The following MKLN1 variants were observed in gnomAD, a reference collection of about 807,000 sequenced individuals.
MKLN1 encodes the protein muskelin 1.
In MKLN1, 18 loss-of-function variants were observed where a neutral mutation model predicts 99.0. The observed-to-expected ratio is 0.18, with a 90% CI of 0.13 to 0.27. The LOEUF (loss-of-function observed/expected upper bound fraction) is 0.27, where lower values mean the gene tolerates loss of function less well. Among genes scored for constraint, MKLN1 ranks in the 10% least tolerant of loss-of-function variants. The probability of loss-of-function intolerance (pLI) is 1.00; values close to 1 mark genes in which losing one functional copy is unlikely to be tolerated. For missense variants in MKLN1, 621 were observed against 875.9 expected, an observed-to-expected ratio of 0.71 and a Z score of 3.67; for synonymous variants, 288 against 293.2, an observed-to-expected ratio of 0.98 and a Z score of 0.18.
intron 2 of MKLN1, among the ~76,000 whole-genome samples, chr7:131,378,183 C>T (rs1584672314): frequency 6.6e-6 from 1 of 152,286 alleles, no homozygotes; most frequent in South Asian, 2.1e-4. Flanking sequence ...GTAATCTTGG[C>T]TCACTGCAGC....
intron 1 of MKLN1, among the ~76,000 whole-genome samples, chr7:131,366,636 TC>T (rs1463880536): frequency 6.6e-6 from 1 of 151,840 alleles, no homozygotes; most frequent in African/African-American, 2.4e-5. Context: ...CATGGTGAAA[TC>T]CCCGTCTCTA....
intron 3 of MKLN1, among the ~76,000 whole-genome samples, chr7:131,229,077 G>A (rs1411565446): frequency 6.6e-6 from 1 of 152,076 alleles, no homozygotes; most frequent in Non-Finnish European, 1.5e-5. Flanking sequence ...GTGTACATTG[G>A]TTCAGCCCAA....
intron 2 of MKLN1, among the ~76,000 whole-genome samples, chr7:131,173,929 A>T (rs1796252940): frequency 6.6e-6 from 1 of 151,290 alleles, no homozygotes; most frequent in Non-Finnish European, 1.5e-5. Flanking sequence ...TTGAGTTTTC[A>T]GTTTTCACTT....
chr7:131,384,157 G>T (rs1021508515), intron 2 of MKLN1, among the ~76,000 whole-genome samples: 2 of 150,664 alleles, frequency 1.3e-5, no homozygotes, highest in African/African-American at 4.9e-5. Context: ...ATTTTCATAA[G>T]CATTCACTAC....
chr7:131,410,220 A>G (rs756754495), intron 6 of MKLN1, among the ~76,000 whole-genome samples: 5 of 152,156 alleles, frequency 3.3e-5, no homozygotes, highest in Non-Finnish European at 5.9e-5. Context: ...GAGTTTATCA[A>G]TACAGCAGAA....
intron 3 of MKLN1, among the ~76,000 whole-genome samples, chr7:131,248,548 G>C (rs965498009): frequency 3.9e-5 from 6 of 152,168 alleles, no homozygotes; most frequent in African/African-American, 1.4e-4. Flanking sequence ...CTTACTTACT[G>C]TAGGGGGTAG....
chr7:131,324,657 A>G (rs899710972), upstream of MKLN1, among the ~76,000 whole-genome samples: 2 of 152,226 alleles, frequency 1.3e-5, no homozygotes, highest in African/African-American at 4.8e-5. Flanking sequence ...ATGAAACTAT[A>G]GGATGAGGGT....
Position 131,327,967 on chromosome 7 carries a change from G to A in MKLN1, c.68G>A (p.Trp23Ter). Residue 23 changes from tryptophan to a stop codon, truncating the protein, a stop_gained, in exon 1 of 18, where the codon TGG (tryptophan) becomes TAG (stop). Coordinates refer to ENST00000352689, the MANE Select transcript of MKLN1 (RefSeq NM_013255.5). LOFTEE classifies it high-confidence loss of function. ...CRLLPYALHK[W>*]SSFSSTYLPE... Reference sequence around the variant, plus strand: ...CTTCTCCCCTACGCGCTACACAAGTGGAGCTCCTTTTCCTCCACCTACCTT... The same window carrying A: ...CTTCTCCCCTACGCGCTACACAAGTAGAGCTCCTTTTCCTCCACCTACCTT... 1 of 1,613,896 alleles carries A rather than the reference G, an allele frequency of 6.2e-7. No individual in the cohort carries two copies. Among genetic ancestry groups the A allele is most frequent in the Non-Finnish European group, 8.5e-7 (1 of 1,179,882 alleles).
chr7:131,181,591 C>T (rs1309575108), intron 2 of MKLN1, among the ~76,000 whole-genome samples: 1 of 151,294 alleles, frequency 6.6e-6, no homozygotes, highest in Admixed American at 6.6e-5. Context: ...CACATTTAGT[C>T]CCAATAACTC....
rs533378422 is a variant in MKLN1, at chr7:131,194,652, C to T, written c.-296-8205C>T. On this transcript the variant is annotated intron_variant, in intron 2 of 7. Transcript: ENST00000416992. ...CAGCCGCATCTCAATTTTCATTTCC[C>T]TTATCACAAACAGATGGATAGATAC... is the stretch of plus-strand genomic sequence containing the variant. Among the ~76,000 whole-genome samples the T allele has an allele frequency of 2.6e-5, 4 of 152,326 alleles. No homozygotes were observed. The South Asian group carries it at 8.3e-4, about 32-fold the overall frequency.
At chr7:131,122,384 A>G (rs982496847) in intron 1 of MKLN1, among the ~76,000 whole-genome samples, 2 of 152,234 alleles carry the variant, frequency 1.3e-5, no homozygotes, top group Admixed American at 6.5e-5. Context: ...CCACAGAACC[A>G]TATTGTTGCC....
intron 3 of MKLN1, among the ~76,000 whole-genome samples, chr7:131,228,241 G>T (rs1797186579): frequency 1.3e-5 from 2 of 152,110 alleles, no homozygotes; most frequent in African/African-American, 4.8e-5. Flanking sequence ...TTTTATTTTT[G>T]TAGAGACAGG....
chr7:131,175,246 G>GGATA (rs760615190), intron 2 of MKLN1, among the ~76,000 whole-genome samples: 62 of 50,958 alleles, frequency 1.2e-3, no homozygotes, highest in African/African-American at 3.1e-3. Flanking sequence ...ATGGATGGAT[G>GGATA]GATAGATAGA....
chr7:131,199,703 TA>T (rs1159290442), intron 2 of MKLN1, among the ~76,000 whole-genome samples: 4 of 151,898 alleles, frequency 2.6e-5, no homozygotes, highest in East Asian at 1.9e-4. Flanking sequence ...TTTAATTTTT[TA>T]AAAAATTGAG....
chr7:131,225,516 G>A (rs865835474), intron 3 of MKLN1, among the ~76,000 whole-genome samples: 1 of 152,172 alleles, frequency 6.6e-6, no homozygotes, highest in Non-Finnish European at 1.5e-5. Context: ...CCTAATGTCA[G>A]TGTCAGGTCC....
chr7:131,298,128 G>A (rs1159427679), intron 3 of MKLN1, among the ~76,000 whole-genome samples: 1 of 152,094 alleles, frequency 6.6e-6, no homozygotes, highest in African/African-American at 2.4e-5. Flanking sequence ...AAAATTAGCC[G>A]GGCGCGGTGG....
chr7:131,475,146 CAT>C (rs1055686183), intron 16 of MKLN1, among the ~76,000 whole-genome samples: 4 of 151,786 alleles, frequency 2.6e-5, no homozygotes, highest in African/African-American at 4.8e-5. Context: ...AAAGTGAAAA[CAT>C]AAATTATCCA....
chr7:131,330,945 T>A lies in MKLN1; in HGVS notation c.98+2948T>A, dbSNP rs113656688. Among the ~76,000 whole-genome samples, 472 of 152,316 alleles carry A rather than the reference T, an allele frequency of 3.1e-3. 1 individual carries two copies. Among genetic ancestry groups the A allele is most frequent in the African/African-American group, 0.011 (451 of 41,568 alleles). On this transcript the variant is annotated intron_variant, in intron 1 of 17. Transcript: ENST00000352689. ...GCTTAGAGATTGCCTGTATTTTACT[T>A]TTTTTCTGAAATTTACACCTAATTT...
chr7:131,409,211 G>A (rs1234009488), intron 6 of MKLN1, among the ~76,000 whole-genome samples: 4 of 152,086 alleles, frequency 2.6e-5, no homozygotes, highest in African/African-American at 9.7e-5. Context: ...CAATAGAGAG[G>A]CTGACTTTTG....
Sources: gnomAD v4.1 joint callset for allele counts (sites outside exome capture counted in the v4.1 genomes callset) on GRCh38, gnomAD v4.1.1 for gene constraint, MANE v1.5 for transcripts, NCBI Gene and HGNC (gene_info 2026-07-23, HGNC 2026-07-21) for gene names.